Variants in PLPPR5 observed in about 807,000 individuals in gnomAD.
PLPPR5 encodes the protein phospholipid phosphatase-related protein type 5.
In PLPPR5, 16 loss-of-function variants were observed where a neutral mutation model predicts 33.9. The ratio of observed to expected loss-of-function variants is 0.47; its 90% CI spans 0.32 to 0.72. The LOEUF (loss-of-function observed/expected upper bound fraction) is 0.72, where lower values mean the gene tolerates loss of function less well. PLPPR5 is among the 30% of genes least tolerant of loss of function. PLPPR5 has a pLI of 0.03. For missense variants in PLPPR5, 301 were observed against 406.7 expected (o/e 0.74, Z 2.23); for synonymous variants, 163 against 150.3 (o/e 1.08, Z -0.62).
intron 1 of PLPPR5, among the ~76,000 whole-genome samples, chr1:98,959,929 C>T (rs575517057): frequency 6.6e-5 from 10 of 152,084 alleles, no homozygotes; most frequent in Admixed American, 1.3e-4. Flanking sequence ...CTGGACCCTC[C>T]GGCCAGTTCT....
chr1:99,003,357 C>A (rs1178507723), intron 1 of PLPPR5, among the ~76,000 whole-genome samples: 1 of 151,700 alleles, frequency 6.6e-6, no homozygotes, highest in Non-Finnish European at 1.5e-5. Flanking sequence ...ATTCAATTTA[C>A]ACATTTAGCT....
At chr1:98,966,462 A>G (rs984433140) in intron 1 of PLPPR5, among the ~76,000 whole-genome samples, 3 of 152,212 alleles carry the variant, frequency 2.0e-5, no homozygotes, top group African/African-American at 7.2e-5. Flanking sequence ...TTAATTTTCA[A>G]AGCAATCTGA....
At position 98,890,793 on chromosome 1, in the gene PLPPR5, T is replaced by C. The variant is rs1308661909; in HGVS notation, c.*2279A>G. The C allele has an allele frequency of 6.6e-6, 1 of 152,598 alleles. No homozygotes were observed. The highest frequency in any genetic ancestry group is 1.5e-5 in the Non-Finnish European group (1 of 68,020). The allele number at this position is 152,598 out of a possible 1,614,324, so 9.5% of individuals were successfully genotyped here. A position where few individuals can be genotyped will look rare whatever the true frequency, so the allele number is the denominator to read the frequency against. On this transcript the variant is annotated 3_prime_UTR_variant, in exon 6 of 6. Transcript: ENST00000263177. ...TTTTCTTCATGACAGCATCACTCAC[T>C]GTACAATCTTGAGCCTATGATGTGT... is the stretch of plus-strand genomic sequence containing the variant.
intron 1 of PLPPR5, among the ~76,000 whole-genome samples, chr1:98,959,162 T>C (rs1651133557): frequency 6.6e-6 from 1 of 152,254 alleles, no homozygotes; most frequent in African/African-American, 2.4e-5. Context: ...ATCCTGTACC[T>C]AGTTCCTAAA....
At chr1:98,906,326 G>T (rs1648900559) in intron 5 of PLPPR5, among the ~76,000 whole-genome samples, 1 of 151,096 alleles carries the variant, frequency 6.6e-6, no homozygotes, top group African/African-American at 2.4e-5. Context: ...CAACCCAAAA[G>T]GCTCAGTGGC....
intron 3 of PLPPR5, among the ~76,000 whole-genome samples, chr1:98,939,088 A>C (rs1403184985): frequency 6.6e-6 from 1 of 152,098 alleles, no homozygotes; most frequent in Non-Finnish European, 1.5e-5. Context: ...ATGTTTACCT[A>C]TATAGTAAAC....
At chr1:98,936,024 C>G (rs1382105363) in intron 3 of PLPPR5, among the ~76,000 whole-genome samples, 2 of 152,138 alleles carry the variant, frequency 1.3e-5, no homozygotes, top group African/African-American at 4.8e-5. Context: ...TGAGAACAGA[C>G]ACGGGGGACG....
At chr1:98,994,678 T>A (rs1333414962) in intron 1 of PLPPR5, among the ~76,000 whole-genome samples, 1 of 152,104 alleles carries the variant, frequency 6.6e-6, no homozygotes, top group Non-Finnish European at 1.5e-5. Flanking sequence ...AAATGCCAAG[T>A]CCTACATAGT....
At chr1:98,905,827 T>C (rs1392536923) in intron 5 of PLPPR5, among the ~76,000 whole-genome samples, 1 of 152,200 alleles carries the variant, frequency 6.6e-6, no homozygotes, top group African/African-American at 2.4e-5. Context: ...ATTAGTTTAA[T>C]TCCTAAATTC....
chr1:98,953,733 G>A (rs746532636), intron 2 of PLPPR5, among the ~76,000 whole-genome samples: 1 of 151,924 alleles, frequency 6.6e-6, no homozygotes, highest in African/African-American at 2.4e-5. Context: ...TCTCACTAAC[G>A]AAGCAAAGCA....
chr1:98,912,625 C>A (rs115115260), intron 5 of PLPPR5, among the ~76,000 whole-genome samples: 172 of 152,220 alleles, frequency 1.1e-3, no homozygotes, highest in Admixed American at 2.4e-3. Context: ...GCAAGGGAAG[C>A]TGGGAAATAT....
At chr1:98,958,215 T>C (rs934371785) in intron 1 of PLPPR5, among the ~76,000 whole-genome samples, 1 of 152,208 alleles carries the variant, frequency 6.6e-6, no homozygotes, top group Non-Finnish European at 1.5e-5. Flanking sequence ...CCTGGGGAAA[T>C]GCTTTTGGGA....
At chr1:98,979,730 T>G (rs1651989159) in intron 1 of PLPPR5, among the ~76,000 whole-genome samples, 1 of 152,064 alleles carries the variant, frequency 6.6e-6, no homozygotes, top group African/African-American at 2.4e-5. Flanking sequence ...GCAACCCAGA[T>G]CGTGTGCCTG....
At chr1:98,947,518 T>C (rs915867871) in intron 3 of PLPPR5, among the ~76,000 whole-genome samples, 1 of 152,258 alleles carries the variant, frequency 6.6e-6, no homozygotes, top group African/African-American at 2.4e-5. Context: ...AACAGCATTA[T>C]TATATTTTAT....
At chr1:98,949,088 T>C (rs994162024) in intron 3 of PLPPR5, among the ~76,000 whole-genome samples, 1 of 152,132 alleles carries the variant, frequency 6.6e-6, no homozygotes, top group Non-Finnish European at 1.5e-5. Flanking sequence ...TTGAAGTTCA[T>C]TTGCTTTTAA....
intron 3 of PLPPR5, among the ~76,000 whole-genome samples, chr1:98,923,980 T>A (rs140895648): frequency 9.2e-5 from 14 of 152,254 alleles, no homozygotes; most frequent in African/African-American, 3.1e-4. Flanking sequence ...TCTTGTGAGG[T>A]TTTCTTTAAC....
rs369596993 is a variant in PLPPR5 at position 99,004,078 on chromosome 1, C to A, written c.237+357G>T. ...GCACAATCGAAGAGGAGGCAGTGAG[C>A]GAGTCAAGGCCACAGAGTGGATGGA... On this transcript the variant is annotated intron_variant, in intron 1 of 5. Coordinates refer to ENST00000263177, the MANE Select transcript of PLPPR5 (RefSeq NM_001037317.2). Among the ~76,000 whole-genome samples, 20 of 152,266 alleles carry A rather than the reference C, an allele frequency of 1.3e-4. No individual in the cohort carries two copies. In the East Asian group the frequency reaches 1.5e-3, roughly 12 times the overall value.
rs570495200 is a variant in PLPPR5, at chr1:98,944,733, AGCAGCAGGTACAG to A, written c.621+8324_621+8336del. Reference sequence around the variant, plus strand: ...AACCTGAAGCAAGAAAGGGCTCTGCAGCAGCAGGTACAGGCTGTGGGGAAAGCAGCTCTGGTAC... The same window carrying A: ...AACCTGAAGCAAGAAAGGGCTCTGCAGCTGTGGGGAAAGCAGCTCTGGTAC... On this transcript the variant is annotated intron_variant, in intron 3 of 5. Coordinates refer to ENST00000263177, the MANE Select transcript of PLPPR5 (RefSeq NM_001037317.2). Among the ~76,000 whole-genome samples, 22 of 152,348 alleles carry A rather than the reference AGCAGCAGGTACAG, an allele frequency of 1.4e-4. No individual in the cohort carries two copies. In the East Asian group the frequency reaches 3.1e-3, roughly 21 times the overall value.
chr1:98,995,074 C>A (rs2100763860), intron 1 of PLPPR5, among the ~76,000 whole-genome samples: 1 of 152,202 alleles, frequency 6.6e-6, no homozygotes, highest in African/African-American at 2.4e-5. Flanking sequence ...ATTAGTTTAA[C>A]CATTGTGGAA....
Sources: gnomAD v4.1 joint callset for allele counts (sites outside exome capture counted in the v4.1 genomes callset) on GRCh38, gnomAD v4.1.1 for gene constraint, MANE v1.5 for transcripts, NCBI Gene and HGNC (gene_info 2026-07-23, HGNC 2026-07-21) for gene names.